Variants in RASEF observed in about 807,000 individuals in gnomAD.
RASEF encodes the protein RAS and EF-hand domain containing.
A neutral mutation model predicts 90.1 loss-of-function variants in RASEF; 68 were observed. The observed-to-expected ratio is 0.75, with a 90% CI of 0.62 to 0.92. The LOEUF (loss-of-function observed/expected upper bound fraction) is 0.92, where lower values mean the gene tolerates loss of function less well. Among genes scored for constraint, RASEF ranks in the 40% least tolerant of loss-of-function variants. The probability of loss-of-function intolerance (pLI) is 0.00; values close to 1 mark genes in which losing one functional copy is unlikely to be tolerated. For missense variants in RASEF, 949 were observed against 937.2 expected, an observed-to-expected ratio of 1.01 and a Z score of -0.16; for synonymous variants, 331 against 345.2, an observed-to-expected ratio of 0.96 and a Z score of 0.46.
the RASEF span, among the ~76,000 whole-genome samples, chr9:83,077,353 C>T: frequency 1.7e-3 from 252 of 152,196 alleles, 2 homozygotes; most frequent in Middle Eastern, 6.8e-3. Context: ...AATAATTAGC[C>T]ACTGAACAAC....
At chr9:83,131,366 G>C in the RASEF span, among the ~76,000 whole-genome samples, 4 of 152,174 alleles carry the variant, frequency 2.6e-5, no homozygotes, top group Admixed American at 2.6e-4. Flanking sequence ...GGATTGAAAG[G>C]AAACAATTTA....
upstream of RASEF, among the ~76,000 whole-genome samples, chr9:83,067,971 G>A (rs1051633108): frequency 6.6e-6 from 1 of 152,264 alleles, no homozygotes; most frequent in Non-Finnish European, 1.5e-5. Flanking sequence ...AACCTCCCTG[G>A]ACTTAGGTGA....
intron 1 of RASEF, chr9:83,048,155 T>C (rs1829965996): frequency 1.0e-6 from 1 of 985,234 alleles, no homozygotes; most frequent in South Asian, 4.7e-5. Context: ...TAAACCCTCC[T>C]CCATCAATCA....
the RASEF span, among the ~76,000 whole-genome samples, chr9:83,200,102 C>T: frequency 1.1e-4 from 17 of 152,242 alleles, no homozygotes; most frequent in South Asian, 2.1e-3. Flanking sequence ...TTCTAAAGGC[C>T]GGGCGCGGTG....
chr9:83,040,980 C>G (rs1398259868), intron 1 of RASEF, among the ~76,000 whole-genome samples: 1 of 152,224 alleles, frequency 6.6e-6, no homozygotes, highest in Non-Finnish European at 1.5e-5. Context: ...CCCGCCTCAG[C>G]CTCCCAAGTG....
Position 83,005,497 on chromosome 9 carries a change from T to C in RASEF, c.1032A>G (p.Thr344=), listed in dbSNP as rs1829113037. The C allele has an allele frequency of 6.2e-7, 1 of 1,612,934 alleles. No individual in the cohort carries two copies. The highest frequency in any genetic ancestry group is 1.1e-5 in the South Asian group (1 of 91,070). ...TACTGTCATGTAGCTTCCGGTTAGC[T>C]GTTCTGCAGGGTAAAGAAACAAGCA... ...SLERQIEILQ[T]ANRKLHDSND... Residue 344 remains threonine, a synonymous_variant, in exon 8 of 17, where the codon ACA becomes ACG. Coordinates refer to ENST00000376447, the MANE Select transcript of RASEF (RefSeq NM_152573.4).
rs1176003834 is a variant in RASEF at position 83,008,915 on chromosome 9, T to TC, written c.959+725_959+726insG. On this transcript the variant is annotated intron_variant, in intron 6 of 16. Coordinates refer to ENST00000376447, the MANE Select transcript of RASEF (RefSeq NM_152573.4). ...TCATATATATATATATATATATATA[T>TC]ATATATATATATATATATATGACGT... Among the ~76,000 whole-genome samples, 8 of 126,572 alleles carry TC rather than the reference T, an allele frequency of 6.3e-5. 1 individual carries two copies. The highest frequency in any genetic ancestry group is 1.0e-4 in the Non-Finnish European group (6 of 58,560). The allele number at this position is 126,572 out of a possible 152,430, so 83.0% of individuals were successfully genotyped here.
intron 1 of RASEF, chr9:83,048,605 G>A (rs2118672749): frequency 1.0e-6 from 1 of 985,362 alleles, no homozygotes; most frequent in Non-Finnish European, 1.2e-6. Context: ...ATAGGAAAAA[G>A]GGCGAGAAGA....
intron 9 of RASEF, among the ~76,000 whole-genome samples, chr9:83,003,386 G>C (rs2118458421): frequency 6.6e-6 from 1 of 152,196 alleles, no homozygotes; most frequent in South Asian, 2.1e-4. Flanking sequence ...GTTCTTATGA[G>C]GCTTTCATGG....
At chr9:83,131,223 A>G in the RASEF span, among the ~76,000 whole-genome samples, 3 of 152,240 alleles carry the variant, frequency 2.0e-5, no homozygotes, top group African/African-American at 7.2e-5. Flanking sequence ...ATAAGCAATT[A>G]TAGAAAAGTT....
intron 7 of RASEF, among the ~76,000 whole-genome samples, chr9:83,006,230 G>C (rs1310030092): frequency 6.6e-6 from 1 of 152,140 alleles, no homozygotes; most frequent in African/African-American, 2.4e-5. Flanking sequence ...TAGGGGACAT[G>C]TACCTTTCTT....
At chr9:83,005,789 G>C (rs1484053054) in intron 7 of RASEF, among the ~76,000 whole-genome samples, 1 of 152,212 alleles carries the variant, frequency 6.6e-6, no homozygotes, top group Non-Finnish European at 1.5e-5. Context: ...TGATTGAACA[G>C]ATTTCATGCA....
In RASEF at chr9:83,061,911, A is replaced by G. The variant is rs190694055; in HGVS notation, c.431+526T>C. On this transcript the variant is annotated intron_variant, in intron 1 of 16. Coordinates refer to ENST00000376447, the MANE Select transcript of RASEF (RefSeq NM_152573.4). The stretch of plus-strand genomic sequence containing the variant: ...GATGTTATGAAAATTAAATGCGTGA[A>G]CTCTGTAAAATGCCTAGCAGGTACA... 1.8e-4 allele frequency among the ~76,000 whole-genome samples: 28 copies of G among 152,314 alleles called. 1 individual carries two copies. The East Asian group carries it at 5.4e-3, about 29-fold the overall frequency.
At chr9:83,012,103 G>T (rs1031244317) in intron 5 of RASEF, among the ~76,000 whole-genome samples, 1 of 152,004 alleles carries the variant, frequency 6.6e-6, no homozygotes. Flanking sequence ...TTGGAGGAAG[G>T]GGCAAGGCAC....
At chr9:83,123,402 C>A in the RASEF span, among the ~76,000 whole-genome samples, 1 of 152,160 alleles carries the variant, frequency 6.6e-6, no homozygotes, top group African/African-American at 2.4e-5. Flanking sequence ...CCTTCTAACG[C>A]TGGGGAGACC....
the RASEF span, among the ~76,000 whole-genome samples, chr9:83,214,390 AT>A: frequency 3.3e-5 from 5 of 152,200 alleles, no homozygotes; most frequent in Admixed American, 3.3e-4. Context: ...GTCTCAAAAA[AT>A]AAATAAATAA....
At chr9:83,087,962 CAA>C in the RASEF span, among the ~76,000 whole-genome samples, 1 of 152,066 alleles carries the variant, frequency 6.6e-6, no homozygotes. Context: ...TCATTGATCT[CAA>C]GTTATTTTCT....
rs1168739052 is a variant in RASEF at position 83,062,594 on chromosome 9, C to G, written c.274G>C (p.Val92Leu). Residue 92 changes from valine to leucine, a missense_variant, in exon 1 of 17, where the codon GTG (valine) becomes CTG (leucine). Physicochemically the swap from Val to Leu is conservative, Grantham distance 32. Around this residue, in one of 3 missense-constraint regions of RASEF, gnomAD observed 656 missense variants for 592.2 expected, o/e 1.11. Coordinates refer to ENST00000376447, the MANE Select transcript of RASEF (RefSeq NM_152573.4). The stretch of plus-strand genomic sequence containing the variant: ...TGTGTCTCCGGCCCCGCCTCAGACA[C>G]GGCGGGCGCGGGATCCAGAGGACCC... ...DWGPLDPAPA[V>L]SEAGPETHDS... 1.3e-6 allele frequency: 2 copies of G among 1,573,612 alleles called. No individual in the cohort carries two copies. Among genetic ancestry groups the G allele is most frequent in the Non-Finnish European group, 1.7e-6 (2 of 1,162,754 alleles).
At chr9:83,106,013 T>C in the RASEF span, among the ~76,000 whole-genome samples, 1 of 152,148 alleles carries the variant, frequency 6.6e-6, no homozygotes, top group African/African-American at 2.4e-5. Context: ...CAAACAACCA[T>C]GTGTTTTCAT....
Sources: allele counts gnomAD v4.1 joint callset (sites outside exome capture counted in the v4.1 genomes callset), GRCh38; gene constraint gnomAD v4.1.1; regional missense constraint gnomAD v4.1.1; transcripts MANE v1.5; gene names NCBI Gene and HGNC (gene_info 2026-07-23, HGNC 2026-07-21).